IMPG1: variants seen among roughly 807,000 people sequenced by gnomAD.
IMPG1 encodes the protein interphotoreceptor matrix proteoglycan 1, also known as interphotoreceptor matrix proteoglycan of 150 kDa.
In IMPG1, 85 loss-of-function variants were observed where a neutral mutation model predicts 92.0. The ratio of observed to expected loss-of-function variants is 0.92; its 90% confidence interval spans 0.78 to 1.11. IMPG1 has a LOEUF of 1.11. Ranked by LOEUF, IMPG1 falls within the 50% of genes least tolerant of loss-of-function variation. The pLI is 0.00. For synonymous variants in IMPG1, 367 were observed against 334.1 expected (o/e 1.10, Z -1.08); for missense variants, 1,022 against 956.0 (o/e 1.07, Z -0.91).
At chr6:75,972,890 G>C (rs912990624) in intron 12 of IMPG1, among the ~76,000 whole-genome samples, 4 of 152,110 alleles carry the variant, frequency 2.6e-5, no homozygotes, top group South Asian at 2.1e-4. Flanking sequence ...CAGTAAACCT[G>C]GAGAAGAGAA....
At chr6:75,941,428 T>C (rs186775871) in intron 14 of IMPG1, among the ~76,000 whole-genome samples, 1 of 152,348 alleles carries the variant, frequency 6.6e-6, no homozygotes, top group East Asian at 1.9e-4. Context: ...TGTGGGTCAA[T>C]CTGACCAGCT....
chr6:75,978,325 T>C (rs544487813), intron 12 of IMPG1, among the ~76,000 whole-genome samples: 3 of 152,346 alleles, frequency 2.0e-5, no homozygotes, highest in Admixed American at 1.3e-4. Context: ...CCCAAGATCA[T>C]GCATTTTTGT....
intron 12 of IMPG1, among the ~76,000 whole-genome samples, chr6:75,963,404 A>G (rs1317249853): frequency 6.6e-6 from 1 of 152,210 alleles, no homozygotes; most frequent in Non-Finnish European, 1.5e-5. Flanking sequence ...AGATAGTAAA[A>G]TGCTGTATTT....
At chr6:75,952,706 C>A (rs533099596) in intron 12 of IMPG1, among the ~76,000 whole-genome samples, 3 of 152,038 alleles carry the variant, frequency 2.0e-5, no homozygotes, top group Non-Finnish European at 4.4e-5. Context: ...GGACATGGGT[C>A]TCTGGGAGGT....
At chr6:75,936,998 C>G (rs1290943212) in intron 14 of IMPG1, among the ~76,000 whole-genome samples, 1 of 152,192 alleles carries the variant, frequency 6.6e-6, no homozygotes, top group Non-Finnish European at 1.5e-5. Flanking sequence ...GGCAGTCCAA[C>G]CAGTGTTGGG....
At chr6:75,986,698 C>A (rs1307835466) in intron 12 of IMPG1, among the ~76,000 whole-genome samples, 1 of 151,870 alleles carries the variant, frequency 6.6e-6, no homozygotes, top group Non-Finnish European at 1.5e-5. Context: ...CAAATTGGAT[C>A]TCTTGCCCAG....
intron 1 of IMPG1, among the ~76,000 whole-genome samples, chr6:76,054,344 A>T (rs1391518792): frequency 6.6e-6 from 1 of 152,158 alleles, no homozygotes; most frequent in Non-Finnish European, 1.5e-5. Context: ...AAATAAAAAT[A>T]TAGGACCAAG....
chr6:76,005,412 T>A lies in IMPG1; in HGVS notation c.1010A>T (p.His337Leu), dbSNP rs371964145. The A allele has an allele frequency of 4.3e-6, 7 of 1,614,116 alleles. No individual in the cohort carries two copies. The highest frequency in any genetic ancestry group is 5.9e-6 in the Non-Finnish European group (7 of 1,179,970). ...TTGCTTGTCCTCCTCCATGGTTCCA[T>A]GATAGACTTCCTCACTTTCAATTTT... is the stretch of plus-strand genomic sequence containing the variant. ...SNKIESEEVYHGTMEEDKQPE... is the reference protein window; with the variant it reads ...SNKIESEEVYLGTMEEDKQPE... The change falls in exon 10 of 17, where the codon CAT (histidine) becomes CTT (leucine). Residue 337 changes from histidine to leucine, a missense_variant. Physicochemically the swap from His to Leu is moderately conservative, Grantham distance 99. Around this residue, in one of 3 missense-constraint regions of IMPG1, gnomAD observed 681 missense variants for 583.6 expected, o/e 1.17. Transcript: ENST00000369950.
At chr6:76,034,386 A>G (rs776292674) in intron 3 of IMPG1, 43 bp from the exon 4 acceptor site, 7 of 1,558,102 alleles carry the variant, frequency 4.5e-6, no homozygotes, top group Middle Eastern at 1.7e-4. Flanking sequence ...CCAGGAGATA[A>G]TGCCAACCGA....
Position 76,002,969 on chromosome 6 carries a change from G to A in IMPG1, c.1240C>T (p.Pro414Ser), listed in dbSNP as rs536935278. 1.2e-6 allele frequency: 2 copies of A among 1,613,716 alleles called. No homozygotes were observed. The highest frequency in any genetic ancestry group is 4.5e-5 in the East Asian group (2 of 44,882). Residue 414 changes from proline (P) to serine (S), a missense_variant, in exon 12 of 17, where the codon CCT becomes TCT. Physicochemically the swap from Pro to Ser is moderately conservative, Grantham distance 74. Transcript: ENST00000369950. ...EDATLSPELP[P>S]VEPQLETVDG... ...ACTGTCTCAAGCTGGGGTTCAACAG[G>A]AGGAAGTTCTGGACTCAAAGTAGCA...
At chr6:76,007,453 T>A (rs1418252045) in intron 9 of IMPG1, 27 bp downstream of exon 9, 5 of 1,553,512 alleles carry the variant, frequency 3.2e-6, no homozygotes, top group Middle Eastern at 1.7e-4. Flanking sequence ...GAATGTACTA[T>A]ATTTCAAAAC....
intron 9 of IMPG1, 147 bp from the exon 10 acceptor site, chr6:76,005,681 A>G: frequency 4.1e-6 from 3 of 729,270 alleles, no homozygotes; most frequent in Non-Finnish European, 6.8e-6. Context: ...AAAACATTTC[A>G]ACATTTATCA....
chr6:75,937,420 G>T (rs574634270), intron 14 of IMPG1, among the ~76,000 whole-genome samples: 1 of 152,140 alleles, frequency 6.6e-6, no homozygotes, highest in Non-Finnish European at 1.5e-5. Context: ...AGTTAGAAGG[G>T]CTTATAAGAT....
chr6:75,940,729 C>A (rs1228485739), intron 14 of IMPG1, among the ~76,000 whole-genome samples: 1 of 152,040 alleles, frequency 6.6e-6, no homozygotes, highest in Non-Finnish European at 1.5e-5. Flanking sequence ...CTCAGCCTGG[C>A]TTTCCCTTCC....
intron 12 of IMPG1, among the ~76,000 whole-genome samples, chr6:75,967,516 ACT>A (rs1244093803): frequency 1.3e-5 from 2 of 152,054 alleles, no homozygotes; most frequent in African/African-American, 4.8e-5. Context: ...TTGATTTTGT[ACT>A]CCCATGACTT....
At position 75,923,528 on chromosome 6, in the gene IMPG1, A is replaced by C. The variant is rs1781466929; in HGVS notation, c.2316+106T>G. Reference sequence around the variant, plus strand: ...TTAAAACAGTAAATTAAAAATAAAAAGTATCTTGCTTATCTCTATTTAAAA... The same window carrying C: ...TTAAAACAGTAAATTAAAAATAAAACGTATCTTGCTTATCTCTATTTAAAA... On this transcript the variant is annotated intron_variant, in intron 16 of 16. Transcript: ENST00000369950. 12 of 669,862 alleles carry C rather than the reference A, an allele frequency of 1.8e-5. 1 individual carries two copies. The highest frequency in any genetic ancestry group is 3.4e-5 in the South Asian group (2 of 58,732). The allele number at this position is 669,862 out of a possible 1,614,324, so 41.5% of individuals were successfully genotyped here. A position where few individuals can be genotyped will look rare whatever the true frequency, so the allele number is the denominator to read the frequency against.
At chr6:76,070,494 T>A (rs181862763) in intron 1 of IMPG1, among the ~76,000 whole-genome samples, 4 of 152,298 alleles carry the variant, frequency 2.6e-5, no homozygotes, top group Admixed American at 6.6e-5. Flanking sequence ...TAAATCATTA[T>A]ATCAGAAAGA....
At chr6:75,968,115 A>G (rs1211344973) in intron 12 of IMPG1, among the ~76,000 whole-genome samples, 1 of 152,232 alleles carries the variant, frequency 6.6e-6, no homozygotes, top group East Asian at 1.9e-4. Context: ...TGACAATGGT[A>G]AAATACAAAC....
intron 1 of IMPG1, among the ~76,000 whole-genome samples, chr6:76,065,463 T>C (rs946889669): frequency 1.3e-5 from 2 of 152,084 alleles, no homozygotes; most frequent in African/African-American, 2.4e-5. Flanking sequence ...GTTTTAACAA[T>C]AGACTAGACC....
Sources: allele counts gnomAD v4.1 joint callset (sites outside exome capture counted in the v4.1 genomes callset), GRCh38; gene constraint gnomAD v4.1.1; regional missense constraint gnomAD v4.1.1; transcripts MANE v1.5; gene names NCBI Gene and HGNC (gene_info 2026-07-23, HGNC 2026-07-21).